Variants in AFG2A observed in about 807,000 individuals in gnomAD.
AFG2A encodes the protein AAA ATPase AFG2A, also known as ATPase family gene 2 protein homolog A.
At chr4:123,152,921 G>A in the AFG2A span, among the ~76,000 whole-genome samples, 2 of 152,110 alleles carry the variant, frequency 1.3e-5, no homozygotes, top group Admixed American at 6.6e-5. Flanking sequence ...CTTTAACAGC[G>A]GTTATAATAG....
chr4:122,954,632 C>T, the AFG2A span, among the ~76,000 whole-genome samples: 1 of 152,206 alleles, frequency 6.6e-6, no homozygotes. Context: ...CCTGTTTCTG[C>T]AGGTAGGACA....
the AFG2A span, among the ~76,000 whole-genome samples, chr4:122,971,705 G>A: frequency 6.6e-6 from 1 of 151,780 alleles, no homozygotes; most frequent in East Asian, 1.9e-4. Flanking sequence ...GCGTGATAAG[G>A]AGGTTTGTAT....
At chr4:123,064,126 T>C in the AFG2A span, among the ~76,000 whole-genome samples, 1 of 152,210 alleles carries the variant, frequency 6.6e-6, no homozygotes, top group Non-Finnish European at 1.5e-5. Context: ...TTTACTTCTC[T>C]TCTGTATGTT....
At chr4:123,266,875 T>C in the AFG2A span, among the ~76,000 whole-genome samples, 4 of 152,082 alleles carry the variant, frequency 2.6e-5, no homozygotes, top group East Asian at 7.7e-4. Context: ...CTTTAGAAAG[T>C]TGAGGGTTTC....
chr4:123,089,705 C>T, the AFG2A span, among the ~76,000 whole-genome samples: 1 of 152,062 alleles, frequency 6.6e-6, no homozygotes, highest in African/African-American at 2.4e-5. Flanking sequence ...ATGCTGCGGC[C>T]TCCTGAGTAG....
At chr4:123,058,173 C>T in the AFG2A span, among the ~76,000 whole-genome samples, 16 of 152,094 alleles carry the variant, frequency 1.1e-4, no homozygotes, top group Non-Finnish European at 2.2e-4. Flanking sequence ...AAGACATACT[C>T]GAGACTGGGT....
the AFG2A span, among the ~76,000 whole-genome samples, chr4:123,276,335 G>GT: frequency 1.3e-5 from 2 of 151,742 alleles, no homozygotes; most frequent in Admixed American, 6.6e-5. Context: ...TGGTGTTGAG[G>GT]TTTTTTTGCT....
At chr4:123,030,462 A>G in the AFG2A span, among the ~76,000 whole-genome samples, 4 of 152,334 alleles carry the variant, frequency 2.6e-5, no homozygotes, top group Admixed American at 6.5e-5. Context: ...GTACACTGCT[A>G]TATAAAATAA....
chr4:122,937,494 G>A, the AFG2A span, among the ~76,000 whole-genome samples: 1 of 152,034 alleles, frequency 6.6e-6, no homozygotes, highest in African/African-American at 2.4e-5. Flanking sequence ...TACTGCTCTT[G>A]AATCAGAAAA....
chr4:123,132,584 C>A, the AFG2A span, among the ~76,000 whole-genome samples: 1 of 114,026 alleles, frequency 8.8e-6, no homozygotes, highest in Non-Finnish European at 1.9e-5. Flanking sequence ...ACGAAGAAAA[C>A]ATGATGTGTG....
chr4:123,216,691 A>T, the AFG2A span, among the ~76,000 whole-genome samples: 1 of 151,502 alleles, frequency 6.6e-6, no homozygotes, highest in Non-Finnish European at 1.5e-5. Flanking sequence ...AAAGAAACAA[A>T]GCCTCACTCT....
At chr4:123,074,111 T>TTTTTTTTTTTTA in the AFG2A span, among the ~76,000 whole-genome samples, 1 of 148,904 alleles carries the variant, frequency 6.7e-6, no homozygotes. Flanking sequence ...TTTTTTTTTT[T>TTTTTTTTTTTTA]GAGGCAGAGT....
the AFG2A span, among the ~76,000 whole-genome samples, chr4:122,960,610 G>T: frequency 2.6e-5 from 4 of 152,200 alleles, no homozygotes; most frequent in South Asian, 4.2e-4. Flanking sequence ...CAAATTCTCA[G>T]GCCTTGATAA....
chr4:123,124,626 T>G, the AFG2A span, among the ~76,000 whole-genome samples: 1 of 152,140 alleles, frequency 6.6e-6, no homozygotes, highest in South Asian at 2.1e-4. Context: ...ACCCTGGAAC[T>G]TAAAGTATTA....
chr4:122,942,798 T>C, the AFG2A span, among the ~76,000 whole-genome samples: 2,108 of 151,404 alleles, frequency 0.014, 49 homozygotes, highest in African/African-American at 0.049. Context: ...CTCTACACAC[T>C]GCTTTGAATG....
the AFG2A span, among the ~76,000 whole-genome samples, chr4:122,936,490 T>C: frequency 2.0e-5 from 3 of 152,226 alleles, no homozygotes; most frequent in Admixed American, 1.3e-4. Flanking sequence ...TATGTAGCTC[T>C]TTATACTAGA....
At chr4:123,220,594 A>G in the AFG2A span, among the ~76,000 whole-genome samples, 2 of 147,290 alleles carry the variant, frequency 1.4e-5, no homozygotes, top group African/African-American at 5.1e-5. Context: ...AGCCTAGGCA[A>G]CAGAGCAAGA....
chr4:123,159,477 C>T, the AFG2A span, among the ~76,000 whole-genome samples: 1 of 151,986 alleles, frequency 6.6e-6, no homozygotes, highest in Non-Finnish European at 1.5e-5. Flanking sequence ...AAAATGCAGC[C>T]AATTAAACTA....
the AFG2A span, among the ~76,000 whole-genome samples, chr4:123,044,099 C>T: frequency 5.6e-5 from 8 of 142,730 alleles, no homozygotes; most frequent in South Asian, 2.2e-4. Context: ...TGAAGCAGTA[C>T]GTCAAAATCT....
Sources: gnomAD v4.1 joint callset for allele counts (sites outside exome capture counted in the v4.1 genomes callset) on GRCh38, gnomAD v4.1.1 for gene constraint, MANE v1.5 for transcripts, NCBI Gene and HGNC (gene_info 2026-07-23, HGNC 2026-07-21) for gene names.